Variants in BRAT1 observed in about 807,000 individuals in gnomAD.
BRAT1 encodes integrator complex assembly factor BRAT1.
A neutral mutation model predicts 70.6 loss-of-function variants in BRAT1; 74 were observed. The ratio of observed to expected loss-of-function variants is 1.05; its 90% confidence interval spans 0.87 to 1.27. BRAT1 has a LOEUF of 1.27. Ranked by LOEUF, BRAT1 falls within the 50% of genes most tolerant of loss-of-function variation. BRAT1 has a pLI of 0.00. For synonymous variants in BRAT1, 615 were observed against 517.1 expected, an observed-to-expected ratio of 1.19 and a Z score of -2.57; for missense variants, 1,203 against 1,098.2, an observed-to-expected ratio of 1.10 and a Z score of -1.35.
At chr7:2,551,284 T>A (rs1470213798) in intron 2 of BRAT1, among the ~76,000 whole-genome samples, 2 of 149,860 alleles carry the variant, frequency 1.3e-5, no homozygotes, top group Non-Finnish European at 3.0e-5. Flanking sequence ...TATATATAGA[T>A]ATATATATAT....
rs1778808281 is a variant in BRAT1 at position 2,537,960 on chromosome 7, C to T, written c.*109G>A. The T allele has an allele frequency of 7.2e-7, 1 of 1,393,990 alleles. No individual in the cohort carries two copies. 86.4% of individuals were successfully genotyped at this position (1,393,990 alleles called of 1,614,324 possible). A position where few individuals can be genotyped will look rare whatever the true frequency, so the allele number is the denominator to read the frequency against. ...GCTTCTCTCCTGGTCCTGGCTTCCC[C>T]AGAGGATCCACCGGGCTGGGCTGGA... On this transcript the variant is annotated 3_prime_UTR_variant, in exon 14 of 14. Transcript: ENST00000340611.
Position 2,538,620 on chromosome 7 carries a change from GCA to G in BRAT1, c.1913_1914del (p.Val638AlafsTer64). 6.3e-7 allele frequency: 1 copy of G among 1,598,196 alleles called. No individual in the cohort carries two copies. The highest frequency in any genetic ancestry group is 8.5e-7 in the Non-Finnish European group (1 of 1,179,282). ...TCCAGGTCTCGGCTCGCCGCCTGCA[GCA>G]CAGTGGCCACGAACTGCTCCGTGTC... ...AQDTEQFVAT[V>X]LQAASRDLDW... On this transcript the variant is annotated frameshift_variant, in exon 14 of 14. Coordinates refer to ENST00000340611, the MANE Select transcript of BRAT1 (RefSeq NM_152743.4). LOFTEE classifies it low-confidence loss of function (END_TRUNC).
chr7:2,550,918 C>T (rs915517319), intron 2 of BRAT1, among the ~76,000 whole-genome samples: 3 of 152,156 alleles, frequency 2.0e-5, no homozygotes, highest in African/African-American at 7.2e-5. Flanking sequence ...CATGGTGCCA[C>T]ATCTCACACA....
intron 2 of BRAT1, among the ~76,000 whole-genome samples, chr7:2,551,493 CT>C (rs1780001846): frequency 6.6e-6 from 1 of 151,444 alleles, no homozygotes; most frequent in Non-Finnish European, 1.5e-5. Flanking sequence ...GAGTTCCAAG[CT>C]GGCCTGGACA....
intron 2 of BRAT1, among the ~76,000 whole-genome samples, chr7:2,549,083 G>C (rs1779816725): frequency 6.6e-6 from 1 of 152,242 alleles, no homozygotes; most frequent in Non-Finnish European, 1.5e-5. Flanking sequence ...ATAGAAGGTT[G>C]TGATGGCCTG....
At chr7:2,554,005 G>A (rs1433766313) in intron 2 of BRAT1, among the ~76,000 whole-genome samples, 2 of 152,016 alleles carry the variant, frequency 1.3e-5, no homozygotes, top group Non-Finnish European at 2.9e-5. Context: ...TAAATACAAC[G>A]AGAACAACAA....
intron 2 of BRAT1, among the ~76,000 whole-genome samples, chr7:2,550,938 A>C (rs1248616763): frequency 6.6e-6 from 1 of 152,094 alleles, no homozygotes; most frequent in Non-Finnish European, 1.5e-5. Context: ...ATGCGCCTGA[A>C]CACTCAATTA....
At chr7:2,549,669 T>G (rs1046982310) in intron 2 of BRAT1, among the ~76,000 whole-genome samples, 1 of 152,048 alleles carries the variant, frequency 6.6e-6, no homozygotes, top group East Asian at 1.9e-4. Flanking sequence ...AACTTATCTG[T>G]TAAAAGAAAG....
rs1778875002 is a variant in BRAT1, at chr7:2,538,573, GCCCTGGGCGCGGACCTC to G, written c.1945_1961del (p.Glu649ProfsTer48). 6.3e-7 allele frequency: 1 copy of G among 1,599,284 alleles called. No homozygotes were observed. Among genetic ancestry groups the G allele is most frequent in the Admixed American group, 1.7e-5 (1 of 59,716 alleles). ...CCAGGAACACGAGGGCCAGCTCCAG[GCCCTGGGCGCGGACCTC>G]CCAGTCCAGGTCTCGGCTCGCCGCC... On this transcript the variant is annotated frameshift_variant, in exon 14 of 14. Coordinates refer to ENST00000340611, the MANE Select transcript of BRAT1 (RefSeq NM_152743.4). LOFTEE classifies it low-confidence loss of function (END_TRUNC).
chr7:2,539,491 C>T (rs1206399962), intron 12 of BRAT1, 53 bp downstream of exon 12: 20 of 1,513,782 alleles, frequency 1.3e-5, no homozygotes, highest in Non-Finnish European at 1.7e-5. Context: ...CACCCTGGCT[C>T]AGTGAGCCCC....
rs200084998 is a variant in BRAT1, at chr7:2,539,209, G to T, written c.1740C>A (p.Pro580=). Residue 580 remains proline (P), a synonymous_variant, in exon 13 of 14, where the codon CCC becomes CCA. Transcript: ENST00000340611. The stretch of plus-strand genomic sequence containing the variant: ...GGGCCTCTGCATGCTCAGGGCTGGT[G>T]GGGGCGTGCAGGCCCTGGCTGGACA... ...GQLSSQGLHA[P]TSPEHAEARQ... 5.6e-6 allele frequency: 9 copies of T among 1,609,750 alleles called. No individual in the cohort carries two copies. The Admixed American group carries it at 1.2e-4, about 21-fold the overall frequency.
rs141653707 is a variant in BRAT1, at chr7:2,541,323, G to A, written c.1296C>T (p.Phe432=). Residue 432 remains phenylalanine (F), a synonymous_variant, in exon 9 of 14, where the codon TTC becomes TTT. Transcript: ENST00000340611. ...CTGTCCCCTGTGACAGCGTCCCCAG[G>A]AAGTCGAGGGCTGCTCGCTGGACCC... is the stretch of plus-strand genomic sequence containing the variant. ...CVRVQRAALD[F]LGTLSQGTGP... 2 of 1,598,260 alleles carry A rather than the reference G, an allele frequency of 1.3e-6. No individual in the cohort carries two copies. Among genetic ancestry groups the A allele is most frequent in the Middle Eastern group, 1.7e-4 (1 of 6,018 alleles).
chr7:2,543,884 T>A lies in BRAT1; in HGVS notation c.509A>T (p.His170Leu). Residue 170 changes from histidine (H) to leucine (L), a missense_variant, in exon 5 of 14, where the codon CAC becomes CTC. By Grantham distance (99) the His-to-Leu change is moderately conservative (BLOSUM62 -3). Coordinates refer to ENST00000340611, the MANE Select transcript of BRAT1 (RefSeq NM_152743.4). The surrounding 1 kb of genome is among the most constrained non-coding windows in gnomAD (Gnocchi z 5.5). Reference sequence around the variant, plus strand: ...ACCTCGCATGGACAAAGCCAGGACGTGCACCAGGAGCTGACTGGCCGCCGA... The same window carrying A: ...ACCTCGCATGGACAAAGCCAGGACGAGCACCAGGAGCTGACTGGCCGCCGA... ...VASAASQLLV[H>L]VLALSMRGGA... 2 of 1,611,632 alleles carry A rather than the reference T, an allele frequency of 1.2e-6. No homozygotes were observed. Among genetic ancestry groups the A allele is most frequent in the Non-Finnish European group, 1.7e-6 (2 of 1,179,208 alleles).
intron 1 of BRAT1, 34 bp from the exon 2 acceptor site, chr7:2,554,481 C>A: frequency 6.3e-7 from 1 of 1,587,642 alleles, no homozygotes; most frequent in South Asian, 1.1e-5. Context: ...AACCTCAATG[C>A]CCACTCCAGA....
rs1778898859 is a variant in BRAT1 at position 2,538,749 on chromosome 7, G to T, written c.1786C>A (p.Leu596Ile). ...GAGTCTACGGAGAGGATGTGCAGGA[G>T]CTCCAGGAACAGGCTCTGGGGGACA... Reference protein sequence around the residue: ...AEARQSLFLELLHILSVDSEG... With the variant: ...AEARQSLFLEILHILSVDSEG... Residue 596 changes from leucine to isoleucine, a missense_variant, in exon 14 of 14, where the codon CTC becomes ATC. Physicochemically the swap from Leu to Ile is conservative, Grantham distance 5. Transcript: ENST00000340611. The T allele has an allele frequency of 6.3e-7, 1 of 1,598,400 alleles. No individual in the cohort carries two copies.
intron 4 of BRAT1, among the ~76,000 whole-genome samples, chr7:2,544,484 G>A (rs1464515399): frequency 1.3e-5 from 2 of 152,120 alleles, no homozygotes; most frequent in South Asian, 2.1e-4. Flanking sequence ...TTACAGGCGT[G>A]AGCCACCGTG....
In BRAT1 at chr7:2,538,758, A is replaced by G. The variant is rs374708849; in HGVS notation, c.1777T>C (p.Phe593Leu). 6 of 1,598,288 alleles carry G rather than the reference A, an allele frequency of 3.8e-6. No individual in the cohort carries two copies. Among genetic ancestry groups the G allele is most frequent in the South Asian group, 1.1e-5 (1 of 91,084 alleles). ...PEHAEARQSL[F>L]LELLHILSVD... ...GAGAGGATGTGCAGGAGCTCCAGGA[A>G]CAGGCTCTGGGGGACAGGGAGCAAG... The change falls in exon 14 of 14, where the codon TTC becomes CTC. Residue 593 changes from phenylalanine to leucine, a missense_variant. By Grantham distance (22) the Phe-to-Leu change is conservative. Transcript: ENST00000340611.
In BRAT1 at chr7:2,543,844, C is replaced by G; in HGVS notation, c.549G>C (p.Gln183His). 2 of 1,612,906 alleles carry G rather than the reference C, an allele frequency of 1.2e-6. No homozygotes were observed. Among genetic ancestry groups the G allele is most frequent in the Non-Finnish European group, 1.7e-6 (2 of 1,179,958 alleles). ...GCCAGTCACCCCCCGGCAGGCAGGG[C>G]TGCCCCTCGGCTCCACCTCGCATGG... is the stretch of plus-strand genomic sequence containing the variant. ...ALSMRGGAEG[Q>H]PCLPGGDWPA... Residue 183 changes from glutamine to histidine, a missense_variant, in exon 5 of 14, where the codon CAG becomes CAC. Transcript: ENST00000340611. The surrounding 1 kb of genome is among the most constrained non-coding windows in gnomAD (Gnocchi z 5.5).
intron 13 of BRAT1, 52 bp from the exon 14 acceptor site, chr7:2,538,816 C>A (rs771143491): frequency 1.9e-6 from 3 of 1,589,792 alleles, no homozygotes; most frequent in African/African-American, 2.7e-5. Context: ...AGGAGCGAGG[C>A]TCCCGCAACA....
Sources: gnomAD v4.1 joint callset for allele counts (sites outside exome capture counted in the v4.1 genomes callset) on GRCh38, gnomAD v4.1.1 for gene constraint, Gnocchi (gnomAD v3.1) non-coding constraint, MANE v1.5 for transcripts, NCBI Gene and HGNC (gene_info 2026-07-23, HGNC 2026-07-21) for gene names.